PDS5B: variants seen among roughly 807,000 people sequenced by gnomAD.
The protein encoded by PDS5B is PDS5 cohesin associated factor B.
Under a neutral mutation model 184.1 loss-of-function variants are expected in PDS5B, and 51 were observed. That is an observed-to-expected ratio of 0.28 (90% CI 0.22 to 0.35). The LOEUF is 0.35. Among genes scored for constraint, PDS5B ranks in the 10% least tolerant of loss-of-function variants. PDS5B has a pLI of 1.00. For synonymous variants in PDS5B, 566 were observed against 569.2 expected (o/e 0.99, Z 0.08); for missense variants, 1,180 against 1,723.3 (o/e 0.68, Z 5.58).
At chr13:32,717,087 C>T (rs1249076204) in intron 19 of PDS5B, among the ~76,000 whole-genome samples, 396 of 149,088 alleles carry the variant, frequency 2.7e-3, no homozygotes, top group African/African-American at 9.1e-3. Context: ...GCCCCCCGCC[C>T]GGCCAGCCGC....
intron 31 of PDS5B, among the ~76,000 whole-genome samples, chr13:32,766,660 A>G (rs1027991091): frequency 6.6e-6 from 1 of 152,194 alleles, no homozygotes; most frequent in Non-Finnish European, 1.5e-5. Context: ...TTTTCCATAT[A>G]CGTTTGTATT....
chr13:32,714,183 TCACAGGAC>T (rs1476805221), intron 19 of PDS5B, among the ~76,000 whole-genome samples: 1 of 152,184 alleles, frequency 6.6e-6, no homozygotes, highest in Non-Finnish European at 1.5e-5. Context: ...CAGGATGAGA[TCACAGGAC>T]CACAGGACAG....
rs184406152 is a variant in PDS5B, at chr13:32,655,341, T to C, written c.313-2898T>C. Among the ~76,000 whole-genome samples the C allele has an allele frequency of 8.0e-5, 11 of 136,686 alleles. No homozygotes were observed. The East Asian group carries it at 1.1e-3, about 14-fold the overall frequency. The allele number at this position is 136,686 out of a possible 152,430, so 89.7% of individuals were successfully genotyped here. ...TACGTACATCTTCTTTTGAAAAGTA[T>C]CTCTTCATGTTCTTTGCCATATATA... On this transcript the variant is annotated intron_variant, in intron 3 of 34. Transcript: ENST00000315596.
At position 32,646,630 on chromosome 13, in the gene PDS5B, T is replaced by G. The variant is rs977922075; in HGVS notation, c.-19-2124T>G. Among the ~76,000 whole-genome samples the G allele has an allele frequency of 3.3e-5, 5 of 151,976 alleles. No individual in the cohort carries two copies. The East Asian group carries it at 9.6e-4, about 29-fold the overall frequency. Reference sequence around the variant, plus strand: ...GGGTTTTAGTGTTTGCATGACATAATTTTCCATCCTTTTACTTTCAGCATG... The same window carrying G: ...GGGTTTTAGTGTTTGCATGACATAAGTTTCCATCCTTTTACTTTCAGCATG... On this transcript the variant is annotated intron_variant, in intron 1 of 34. Coordinates refer to ENST00000315596, the MANE Select transcript of PDS5B (RefSeq NM_015032.4).
At chr13:32,746,897 C>T (rs1026547868) in intron 24 of PDS5B, among the ~76,000 whole-genome samples, 5 of 152,130 alleles carry the variant, frequency 3.3e-5, no homozygotes, top group Admixed American at 6.5e-5. Flanking sequence ...TAAATTTTAA[C>T]GAGTATGCAA....
chr13:32,679,855 C>T (rs980139135), intron 10 of PDS5B, among the ~76,000 whole-genome samples: 3 of 149,678 alleles, frequency 2.0e-5, no homozygotes, highest in African/African-American at 7.4e-5. Flanking sequence ...CTCCTCCCTT[C>T]TTTTTCCCTC....
intron 24 of PDS5B, among the ~76,000 whole-genome samples, chr13:32,749,214 C>T (rs1953877827): frequency 6.6e-6 from 1 of 152,040 alleles, no homozygotes; most frequent in African/African-American, 2.4e-5. Flanking sequence ...TTGTACTTTG[C>T]TGCCTTTAAT....
intron 13 of PDS5B, chr13:32,690,733 A>C (rs1951525450): frequency 6.6e-6 from 1 of 152,170 alleles, no homozygotes; most frequent in African/African-American, 2.4e-5. Flanking sequence ...TTCACAAGAG[A>C]TATATTGAAA....
intron 21 of PDS5B, among the ~76,000 whole-genome samples, chr13:32,736,858 G>C (rs1953348652): frequency 6.6e-6 from 1 of 151,644 alleles, no homozygotes; most frequent in Admixed American, 6.6e-5. Context: ...ACCTATCTTT[G>C]AGTTCACTCG....
rs200949329 is a variant in PDS5B at position 32,676,146 on chromosome 13, C to T, written c.962+187C>T. ...ATTTACTCTTTTTAGTCTTTATCCT[C>T]AGTAATTTTTAAAAGATAATACATT... is the stretch of plus-strand genomic sequence containing the variant. On this transcript the variant is annotated intron_variant, in intron 9 of 34. Coordinates refer to ENST00000315596, the MANE Select transcript of PDS5B (RefSeq NM_015032.4). 2.4e-3 allele frequency among the ~76,000 whole-genome samples: 370 copies of T among 152,164 alleles called. 2 individuals are homozygous for T. Among genetic ancestry groups the T allele is most frequent in the African/African-American group, 8.1e-3 (335 of 41,528 alleles).
At chr13:32,721,108 C>T (rs1023219172) in intron 19 of PDS5B, among the ~76,000 whole-genome samples, 10 of 152,364 alleles carry the variant, frequency 6.6e-5, no homozygotes, top group East Asian at 1.9e-4. Context: ...CTTTTCTATT[C>T]GACAAAACCA....
intron 15 of PDS5B, among the ~76,000 whole-genome samples, chr13:32,697,881 A>T (rs1951753218): frequency 6.6e-6 from 1 of 152,086 alleles, no homozygotes; most frequent in Non-Finnish European, 1.5e-5. Flanking sequence ...CAGCTAATTT[A>T]AAAAATATAT....
chr13:32,671,764 C>T lies in PDS5B; in HGVS notation c.706-1452C>T, dbSNP rs187624185. Among the ~76,000 whole-genome samples, 4 of 152,262 alleles carry T rather than the reference C, an allele frequency of 2.6e-5. No homozygotes were observed. The East Asian group carries it at 7.7e-4, about 29-fold the overall frequency. ...TATGAAATCCTCCACTCTGTACTTT[C>T]AGTATAGAAAGCTAAAGCCTAATTA... On this transcript the variant is annotated intron_variant, in intron 7 of 34. Coordinates refer to ENST00000315596, the MANE Select transcript of PDS5B (RefSeq NM_015032.4).
chr13:32,698,988 C>T (rs1337807476), intron 15 of PDS5B, among the ~76,000 whole-genome samples: 11 of 152,062 alleles, frequency 7.2e-5, no homozygotes, highest in African/African-American at 2.7e-4. Context: ...CTCCTGACCT[C>T]GTGATCCTCC....
chr13:32,641,236 T>C (rs940899847), intron 1 of PDS5B, among the ~76,000 whole-genome samples: 2 of 152,212 alleles, frequency 1.3e-5, no homozygotes, highest in African/African-American at 4.8e-5. Flanking sequence ...CTATTATATG[T>C]CAAATCATTT....
intron 1 of PDS5B, among the ~76,000 whole-genome samples, chr13:32,642,079 G>A (rs1287086080): frequency 2.0e-5 from 3 of 152,110 alleles, no homozygotes; most frequent in African/African-American, 7.2e-5. Flanking sequence ...ATAATCATTC[G>A]TAAGTCGTTG....
At chr13:32,617,786 T>C (rs2058240847) in intron 1 of PDS5B, among the ~76,000 whole-genome samples, 1 of 152,256 alleles carries the variant, frequency 6.6e-6, no homozygotes, top group African/African-American at 2.4e-5. Context: ...ATTTCTTCTT[T>C]TGCAGTGTGC....
chr13:32,732,068 G>A (rs552058467), intron 19 of PDS5B, 33 bp from the exon 20 acceptor site: 2 of 1,560,192 alleles, frequency 1.3e-6, no homozygotes, highest in South Asian at 2.3e-5. Flanking sequence ...GATTTTTCTG[G>A]TTTATTGTTT....
intron 23 of PDS5B, among the ~76,000 whole-genome samples, chr13:32,743,443 T>C (rs1953634073): frequency 6.6e-6 from 1 of 152,176 alleles, no homozygotes; most frequent in African/African-American, 2.4e-5. Context: ...GAAGCATTGA[T>C]GATAATGGTG....
Sources: gnomAD v4.1 joint callset for allele counts (sites outside exome capture counted in the v4.1 genomes callset) on GRCh38, gnomAD v4.1.1 for gene constraint, MANE v1.5 for transcripts, NCBI Gene and HGNC (gene_info 2026-07-23, HGNC 2026-07-21) for gene names.